Variants in MTOR observed in about 807,000 individuals in gnomAD.
The protein encoded by MTOR is mechanistic target of rapamycin kinase.
MTOR carries 70 observed loss-of-function variants against 319.8 expected under a neutral mutation model. That is an observed-to-expected ratio of 0.22 (90% confidence interval 0.18 to 0.27). The LOEUF is 0.27. MTOR is among the 10% of genes least tolerant of loss of function. MTOR has a pLI of 1.00. For synonymous variants in MTOR, 1,183 were observed against 1,211.4 expected, an observed-to-expected ratio of 0.98 and a Z score of 0.49; for missense variants, 1,890 against 3,274.4, an observed-to-expected ratio of 0.58 and a Z score of 10.32.
chr1:11,211,621 C>A (rs1646315889), intron 23 of MTOR, among the ~76,000 whole-genome samples: 1 of 152,160 alleles, frequency 6.6e-6, no homozygotes, highest in African/African-American at 2.4e-5. Flanking sequence ...CTTGCCTCAG[C>A]CTCCCAAGTT....
chr1:11,179,305 AC>A (rs1645077036), intron 28 of MTOR, among the ~76,000 whole-genome samples: 1 of 152,216 alleles, frequency 6.6e-6, no homozygotes, highest in Admixed American at 6.5e-5. Flanking sequence ...GTTTCAGAGC[AC>A]TGGGACACAG....
intron 15 of MTOR, chr1:11,232,875 C>G (rs747274992): frequency 3.7e-6 from 2 of 535,970 alleles, no homozygotes; most frequent in Non-Finnish European, 6.6e-6. Flanking sequence ...GTCTCAAAAA[C>G]AAATAAATAA....
intron 19 of MTOR, among the ~76,000 whole-genome samples, chr1:11,223,600 G>A (rs368396909): frequency 3.9e-5 from 6 of 152,006 alleles, no homozygotes; most frequent in Non-Finnish European, 8.8e-5. Context: ...ATTACAAAAT[G>A]TTAAGAAAAA....
At chr1:11,180,446 C>G (rs1388548604) in intron 28 of MTOR, among the ~76,000 whole-genome samples, 1 of 152,170 alleles carries the variant, frequency 6.6e-6, no homozygotes, top group Non-Finnish European at 1.5e-5. Flanking sequence ...ACTGTAAAAC[C>G]CAGTCACCCT....
At chr1:11,228,376 A>C (rs1021000908) in intron 19 of MTOR, among the ~76,000 whole-genome samples, 2 of 152,010 alleles carry the variant, frequency 1.3e-5, no homozygotes, top group African/African-American at 4.8e-5. Context: ...TTTAGTAGAG[A>C]CGGGGTTTCA....
At chr1:11,205,797 A>T (rs1203260199) in intron 25 of MTOR, among the ~76,000 whole-genome samples, 1 of 152,240 alleles carries the variant, frequency 6.6e-6, no homozygotes, top group Admixed American at 6.5e-5. Context: ...TTCTTCATAG[A>T]TTTTTCCAGC....
chr1:11,238,321 G>A (rs552892357), intron 12 of MTOR, 81 bp downstream of exon 12: 180 of 1,401,684 alleles, frequency 1.3e-4, no homozygotes, highest in African/African-American at 1.3e-3. Flanking sequence ...ACTCTAGAGA[G>A]GCCATGTAAT....
chr1:11,203,757 A>G (rs1332874911), intron 26 of MTOR, among the ~76,000 whole-genome samples: 3 of 152,186 alleles, frequency 2.0e-5, no homozygotes, highest in African/African-American at 7.2e-5. Context: ...TTAGAATATT[A>G]CTTCTCCTCT....
In MTOR at chr1:11,213,569, A is replaced by G; in HGVS notation, c.3118-3T>C. 2 of 1,613,158 alleles carry G rather than the reference A, an allele frequency of 1.2e-6. No individual in the cohort carries two copies. Among genetic ancestry groups the G allele is most frequent in the Non-Finnish European group, 8.5e-7 (1 of 1,179,578 alleles). On this transcript the variant is annotated splice_region_variant and splice_polypyrimidine_tract_variant and intron_variant, in intron 20 of 57. Transcript: ENST00000361445. ...GAGGTGTTCATGACCCAGAATTCCT[A>G]CAAAGAGAGAAAAGTCAGAGGAGCT...
chr1:11,156,664 T>C (rs1241776193), intron 30 of MTOR, among the ~76,000 whole-genome samples: 1 of 152,194 alleles, frequency 6.6e-6, no homozygotes, highest in Non-Finnish European at 1.5e-5. Flanking sequence ...GGCTGTCTCA[T>C]CAACCTCACA....
At chr1:11,216,286 C>T in intron 19 of MTOR, 52 bp from the exon 20 acceptor site, 1 of 1,385,934 alleles carries the variant, frequency 7.2e-7, no homozygotes, top group Non-Finnish European at 1.0e-6. Flanking sequence ...CATTGAACCC[C>T]CAGGCTTACC....
At chr1:11,186,346 T>C (rs1645323857) in intron 28 of MTOR, among the ~76,000 whole-genome samples, 1 of 152,162 alleles carries the variant, frequency 6.6e-6, no homozygotes, top group Non-Finnish European at 1.5e-5. Context: ...GGTGCTCCCC[T>C]GCCCTGTGAC....
chr1:11,261,083 T>C (rs1271619822), intron 1 of MTOR, among the ~76,000 whole-genome samples: 1 of 151,822 alleles, frequency 6.6e-6, no homozygotes. Context: ...TGAGCCACCA[T>C]GCCCGGCCTG....
chr1:11,131,941 C>T (rs759884026), intron 38 of MTOR: 2 of 152,112 alleles, frequency 1.3e-5, no homozygotes. Flanking sequence ...CTACAATGAC[C>T]CAGGTTTCAG....
chr1:11,119,573 GAAAAAAAA>G (rs555425607), intron 49 of MTOR, among the ~76,000 whole-genome samples: 1 of 24,864 alleles, frequency 4.0e-5, no homozygotes, highest in Non-Finnish European at 7.0e-5. Context: ...TCCGTCTCGA[GAAAAAAAA>G]AAAAAAAAAA....
chr1:11,191,229 T>C (rs1645518937), intron 28 of MTOR, among the ~76,000 whole-genome samples: 2 of 152,226 alleles, frequency 1.3e-5, no homozygotes, highest in Admixed American at 1.3e-4. Context: ...CATCATTCCT[T>C]ATTTTTCTTC....
At chr1:11,155,172 T>C (rs1337262362) in intron 30 of MTOR, among the ~76,000 whole-genome samples, 1 of 152,176 alleles carries the variant, frequency 6.6e-6, no homozygotes, top group Non-Finnish European at 1.5e-5. Context: ...AATTTGCCTA[T>C]ATTAAATAGA....
intron 28 of MTOR, among the ~76,000 whole-genome samples, chr1:11,186,875 T>C (rs1645337283): frequency 6.6e-6 from 1 of 152,164 alleles, no homozygotes; most frequent in African/African-American, 2.4e-5. Flanking sequence ...GTATTGACAT[T>C]TGGGTAGCTT....
chr1:11,120,830 T>A (rs1364143079), intron 49 of MTOR, among the ~76,000 whole-genome samples: 2 of 152,088 alleles, frequency 1.3e-5, no homozygotes, highest in Non-Finnish European at 2.9e-5. Context: ...TATATATTTT[T>A]AAAAAATATT....
Sources: gnomAD v4.1 joint callset for allele counts (sites outside exome capture counted in the v4.1 genomes callset) on GRCh38, gnomAD v4.1.1 for gene constraint, MANE v1.5 for transcripts, NCBI Gene and HGNC (gene_info 2026-07-23, HGNC 2026-07-21) for gene names.